SLC25A26: variants seen among roughly 807,000 people sequenced by gnomAD.
SLC25A26 encodes the protein mitochondrial S-adenosylmethionine carrier protein.
SLC25A26 carries 36 observed loss-of-function variants against 37.8 expected under a neutral mutation model. The observed-to-expected ratio is 0.95, with a 90% CI of 0.73 to 1.26. SLC25A26 has a LOEUF of 1.26. SLC25A26 is among the 50% of genes most tolerant of loss of function. The pLI, the probability that SLC25A26 is intolerant of heterozygous loss-of-function variation, is 0.00. For missense variants in SLC25A26, 390 were observed against 331.1 expected, an observed-to-expected ratio of 1.18 and a Z score of -1.38; for synonymous variants, 129 against 122.5, an observed-to-expected ratio of 1.05 and a Z score of -0.35.
intron 1 of SLC25A26, among the ~76,000 whole-genome samples, chr3:66,147,544 A>G (rs2070138209): frequency 6.6e-6 from 1 of 151,910 alleles, no homozygotes; most frequent in African/African-American, 2.4e-5. Flanking sequence ...TGCGGCTATA[A>G]ATGTGTGTGC....
intron 3 of SLC25A26, among the ~76,000 whole-genome samples, chr3:66,261,264 A>G (rs1229825055): frequency 6.6e-6 from 1 of 152,208 alleles, no homozygotes; most frequent in African/African-American, 2.4e-5. Context: ...ATTTTTACAC[A>G]TCTCCCTCCC....
intron 1 of SLC25A26, among the ~76,000 whole-genome samples, chr3:66,215,180 C>CTAT (rs2071342395): frequency 2.0e-5 from 3 of 152,038 alleles, no homozygotes; most frequent in African/African-American, 7.2e-5. Flanking sequence ...CCTTTTTGTT[C>CTAT]TATTATTATT....
chr3:66,218,773 G>C (rs1485629696), upstream of SLC25A26, among the ~76,000 whole-genome samples: 1 of 152,206 alleles, frequency 6.6e-6, no homozygotes, highest in Admixed American at 6.5e-5. Context: ...ACTATGGAGA[G>C]ATGTATGCCA....
At chr3:66,274,766 G>C (rs900248396) in intron 5 of SLC25A26, among the ~76,000 whole-genome samples, 2 of 152,110 alleles carry the variant, frequency 1.3e-5, no homozygotes, top group African/African-American at 4.8e-5. Flanking sequence ...TGCTGGAGAG[G>C]ATGTGGAGAA....
Position 66,261,988 on chromosome 3 carries a change from A to G in SLC25A26, c.301-63A>G, listed in dbSNP as rs940315103. 11 of 1,035,370 alleles carry G rather than the reference A, an allele frequency of 1.1e-5. No individual in the cohort carries two copies. In the Admixed American group the frequency reaches 2.6e-4, roughly 24 times the overall value. 64.1% of individuals were successfully genotyped at this position (1,035,370 alleles called of 1,614,324 possible). On this transcript the variant is annotated intron_variant, in intron 3 of 9. Coordinates refer to ENST00000354883, the MANE Select transcript of SLC25A26 (RefSeq NM_001379210.1). ...CTTTTTACTACAATTTTTGCTTACCAAAAAATTTCAATTTTTATAGCAGTT... is the reference window on the plus strand; with the variant it reads ...CTTTTTACTACAATTTTTGCTTACCGAAAAATTTCAATTTTTATAGCAGTT...
intron 3 of SLC25A26, among the ~76,000 whole-genome samples, chr3:66,260,481 G>C (rs1356106734): frequency 6.6e-6 from 1 of 152,178 alleles, no homozygotes; most frequent in Non-Finnish European, 1.5e-5. Context: ...AGTTTTGGTA[G>C]AAAAATAACT....
At chr3:66,209,911 TATATATATATATATATATATA>T (rs2071259961) in intron 1 of SLC25A26, among the ~76,000 whole-genome samples, 1 of 27,448 alleles carries the variant, frequency 3.6e-5, no homozygotes, top group African/African-American at 1.2e-4. Flanking sequence ...TATATATATA[TATATATATATATATATATATA>T]TATATATATA....
At chr3:66,187,272 C>G (rs1466414775) in intron 1 of SLC25A26, among the ~76,000 whole-genome samples, 4 of 151,886 alleles carry the variant, frequency 2.6e-5, no homozygotes. Flanking sequence ...CACACACAGC[C>G]TTACCCTTCC....
chr3:66,302,876 G>A (rs367653355), intron 5 of SLC25A26, among the ~76,000 whole-genome samples: 1 of 152,164 alleles, frequency 6.6e-6, no homozygotes, highest in Non-Finnish European at 1.5e-5. Flanking sequence ...GGTGGTGCAC[G>A]CCATGTGTTC....
intron 5 of SLC25A26, among the ~76,000 whole-genome samples, chr3:66,294,708 G>A (rs1339895784): frequency 3.3e-5 from 5 of 152,104 alleles, no homozygotes; most frequent in African/African-American, 1.2e-4. Flanking sequence ...AATTCATGTA[G>A]CAGTAGGACA....
At chr3:66,335,800 T>A (rs1166920474) in intron 5 of SLC25A26, among the ~76,000 whole-genome samples, 1 of 152,176 alleles carries the variant, frequency 6.6e-6, no homozygotes, top group Non-Finnish European at 1.5e-5. Flanking sequence ...TGGTCCATGC[T>A]GCATTACTAC....
chr3:66,209,945 T>C (rs1374948214), intron 1 of SLC25A26, among the ~76,000 whole-genome samples: 14 of 93,990 alleles, frequency 1.5e-4, no homozygotes, highest in Non-Finnish European at 2.3e-4. Context: ...TATATATATA[T>C]ATGCAGTAGT....
intron 5 of SLC25A26, among the ~76,000 whole-genome samples, chr3:66,329,443 T>C (rs2075917553): frequency 6.6e-6 from 1 of 152,242 alleles, no homozygotes; most frequent in Non-Finnish European, 1.5e-5. Context: ...AGTTGGAGTG[T>C]GTGCCTGCTT....
At chr3:66,202,911 T>C (rs1410596673) in intron 1 of SLC25A26, among the ~76,000 whole-genome samples, 2 of 152,214 alleles carry the variant, frequency 1.3e-5, no homozygotes, top group African/African-American at 2.4e-5. Context: ...TTTGCTTTGT[T>C]CAAGACCAAA....
At chr3:66,214,278 A>G (rs1253471091) in intron 1 of SLC25A26, among the ~76,000 whole-genome samples, 4 of 152,168 alleles carry the variant, frequency 2.6e-5, no homozygotes, top group Admixed American at 2.6e-4. Context: ...ACCTTCTGCC[A>G]TGAATAAAAG....
intron 5 of SLC25A26, among the ~76,000 whole-genome samples, chr3:66,307,897 G>T (rs1258692710): frequency 6.6e-6 from 1 of 152,112 alleles, no homozygotes; most frequent in Non-Finnish European, 1.5e-5. Context: ...GTTTAGGGTT[G>T]CTGTAGCCTT....
chr3:66,215,492 T>C (rs1449799362), intron 1 of SLC25A26, among the ~76,000 whole-genome samples: 3 of 152,200 alleles, frequency 2.0e-5, no homozygotes, highest in African/African-American at 7.2e-5. Flanking sequence ...ATTTTAATAG[T>C]TTAATTATAT....
rs144597060 is a variant in SLC25A26, at chr3:66,251,609, C to G, written c.300+8297C>G. 1.2e-4 allele frequency among the ~76,000 whole-genome samples: 18 copies of G among 152,246 alleles called. No homozygotes were observed. In the East Asian group the frequency reaches 3.5e-3, roughly 30 times the overall value. On this transcript the variant is annotated intron_variant, in intron 3 of 9. Transcript: ENST00000354883. Reference sequence around the variant, plus strand: ...AGAGAGAGGGTCAGAACGGGAGGGTCAGGGCTTCCCCTGGCTTGGCATTAT... The same window carrying G: ...AGAGAGAGGGTCAGAACGGGAGGGTGAGGGCTTCCCCTGGCTTGGCATTAT...
intron 5 of SLC25A26, among the ~76,000 whole-genome samples, chr3:66,342,904 A>G (rs2076241733): frequency 6.6e-6 from 1 of 152,188 alleles, no homozygotes; most frequent in Non-Finnish European, 1.5e-5. Flanking sequence ...CAAACAAAAC[A>G]TCTTAAATGG....
Sources: allele counts gnomAD v4.1 joint callset (sites outside exome capture counted in the v4.1 genomes callset), GRCh38; gene constraint gnomAD v4.1.1; transcripts MANE v1.5; gene names NCBI Gene and HGNC (gene_info 2026-07-23, HGNC 2026-07-21).